Variants in GCH1 observed in about 807,000 individuals in gnomAD.
GCH1 encodes GTP cyclohydrolase I.
Under a neutral mutation model 25.9 loss-of-function variants are expected in GCH1, and 5 were observed. The observed-to-expected ratio is 0.19, with a 90% CI of 0.10 to 0.41. The LOEUF (loss-of-function observed/expected upper bound fraction) is 0.41. GCH1 is among the 10% of genes least tolerant of loss of function. The pLI is 1.00. For missense variants in GCH1, 261 were observed against 336.5 expected (o/e 0.78, Z 1.75); for synonymous variants, 159 against 129.6 (o/e 1.23, Z -1.54).
chr14:54,844,946 C>A (rs1459750730), intron 5 of GCH1, among the ~76,000 whole-genome samples: 1 of 152,030 alleles, frequency 6.6e-6, no homozygotes, highest in Non-Finnish European at 1.5e-5. Flanking sequence ...CTGAGGTGGG[C>A]AGATCACTTG....
At chr14:54,898,702 C>T (rs2040521232) in intron 1 of GCH1, among the ~76,000 whole-genome samples, 1 of 152,176 alleles carries the variant, frequency 6.6e-6, no homozygotes, top group African/African-American at 2.4e-5. Context: ...TCACTGCAAC[C>T]TCCACCTTCT....
At chr14:54,848,713 C>A (rs902887793) in intron 3 of GCH1, among the ~76,000 whole-genome samples, 16 of 152,166 alleles carry the variant, frequency 1.1e-4, no homozygotes, top group African/African-American at 3.9e-4. Context: ...ACCACTCAGC[C>A]CAGAGCTCCC....
At chr14:54,885,730 A>G (rs1267536045) in intron 1 of GCH1, 4 of 203,768 alleles carry the variant, frequency 2.0e-5, no homozygotes, top group Non-Finnish European at 4.0e-5. Context: ...CTCCACCAAA[A>G]ATACAAAACT....
chr14:54,897,183 T>C (rs1259412293), intron 1 of GCH1, among the ~76,000 whole-genome samples: 9 of 150,594 alleles, frequency 6.0e-5, no homozygotes, highest in Non-Finnish European at 1.3e-4. Flanking sequence ...CTAATTTTTG[T>C]ATTTTTAGTA....
At chr14:54,896,942 A>T (rs1253899168) in intron 1 of GCH1, among the ~76,000 whole-genome samples, 2 of 149,608 alleles carry the variant, frequency 1.3e-5, no homozygotes, top group African/African-American at 2.5e-5. Flanking sequence ...ACAAAAGAAG[A>T]AGTTTCTCAA....
intron 3 of GCH1, among the ~76,000 whole-genome samples, chr14:54,851,036 A>G (rs947581695): frequency 2.0e-5 from 3 of 152,322 alleles, no homozygotes; most frequent in African/African-American, 7.2e-5. Context: ...CAAAACAGAG[A>G]TATAGACCAA....
chr14:54,867,220 C>T lies in GCH1; in HGVS notation c.344-1784G>A, dbSNP rs113843652. 5.4e-3 allele frequency among the ~76,000 whole-genome samples: 822 copies of T among 152,232 alleles called. 7 individuals are homozygous for T. The highest frequency in any genetic ancestry group is 0.018 in the African/African-American group (749 of 41,536). ...TGTTTTCTCTGGCAAAGAATGAGAG[C>T]GTCCCCATCCTAAGCTCTGACGACA... On this transcript the variant is annotated intron_variant, in intron 1 of 5. Coordinates refer to ENST00000491895, the MANE Select transcript of GCH1 (RefSeq NM_000161.3).
intron 1 of GCH1, among the ~76,000 whole-genome samples, chr14:54,877,747 G>A (rs2040184101): frequency 6.6e-6 from 1 of 151,836 alleles, no homozygotes; most frequent in Admixed American, 6.6e-5. Context: ...TGCCTGTCTT[G>A]GCCTCCCAAA....
At chr14:54,888,815 A>G (rs1323503634) in intron 1 of GCH1, among the ~76,000 whole-genome samples, 4 of 151,832 alleles carry the variant, frequency 2.6e-5, no homozygotes, top group Admixed American at 6.6e-5. Flanking sequence ...GAGCCACTGC[A>G]CCCAGCCTAT....
At chr14:54,876,957 T>C (rs1486504165) in intron 1 of GCH1, among the ~76,000 whole-genome samples, 1 of 152,152 alleles carries the variant, frequency 6.6e-6, no homozygotes, top group Non-Finnish European at 1.5e-5. Context: ...TACTCAAAAT[T>C]AAATCAAAGA....
intron 3 of GCH1, among the ~76,000 whole-genome samples, chr14:54,848,936 TTA>T (rs1196136891): frequency 6.6e-6 from 1 of 152,238 alleles, no homozygotes; most frequent in Non-Finnish European, 1.5e-5. Context: ...GATTAGTTTG[TTA>T]TATATGTAGG....
chr14:54,884,241 CA>C (rs1351126828), intron 1 of GCH1, among the ~76,000 whole-genome samples: 8 of 151,732 alleles, frequency 5.3e-5, no homozygotes, highest in African/African-American at 1.9e-4. Flanking sequence ...TGGGCTGAGA[CA>C]AAACAATATG....
rs1257884881 is a variant in GCH1 at position 54,871,696 on chromosome 14, G to A, written c.344-6260C>T. Among the ~76,000 whole-genome samples the A allele has an allele frequency of 5.3e-5, 8 of 152,104 alleles. No homozygotes were observed. The East Asian group carries it at 1.5e-3, about 29-fold the overall frequency. On this transcript the variant is annotated intron_variant, in intron 1 of 5. Coordinates refer to ENST00000491895, the MANE Select transcript of GCH1 (RefSeq NM_000161.3). ...AACCATGGCACGAGAACTACGTGAT[G>A]AATGCACAAGCCTCAGTAGCTGATT...
At position 54,902,258 on chromosome 14, in the gene GCH1, C is replaced by A. The variant is rs1249825120; in HGVS notation, c.343+63G>T. The stretch of plus-strand genomic sequence containing the variant: ...CTCCGGAAACTTCCTGGAGCCGGCG[C>A]GCGTTTCCTGCAAGCACCGCCCCCG... On this transcript the variant is annotated intron_variant, in intron 1 of 5. Coordinates refer to ENST00000491895, the MANE Select transcript of GCH1 (RefSeq NM_000161.3). 5 of 1,549,670 alleles carry A rather than the reference C, an allele frequency of 3.2e-6. No homozygotes were observed. The African/African-American group carries it at 4.1e-5, about 13-fold the overall frequency.
chr14:54,872,257 A>G (rs1185512906), intron 1 of GCH1, among the ~76,000 whole-genome samples: 1 of 152,154 alleles, frequency 6.6e-6, no homozygotes, highest in Non-Finnish European at 1.5e-5. Context: ...AAGCTTCATA[A>G]GTGAAGGAGA....
At chr14:54,897,736 C>T (rs1315222191) in intron 1 of GCH1, among the ~76,000 whole-genome samples, 1 of 152,192 alleles carries the variant, frequency 6.6e-6, no homozygotes, top group East Asian at 1.9e-4. Flanking sequence ...ACCAGCTCTA[C>T]TACTTGTGTC....
Position 54,843,937 on chromosome 14 carries a change from A to G in GCH1, c.*80T>C. On this transcript the variant is annotated 3_prime_UTR_variant, in exon 6 of 6. Transcript: ENST00000491895. ...TCACATCTGTAACAATTGAAAATGG[A>G]ATGTACAAACAAGACCGGACAGACA... The G allele has an allele frequency of 6.2e-7, 1 of 1,613,490 alleles. No individual in the cohort carries two copies. The highest frequency in any genetic ancestry group is 2.2e-5 in the East Asian group (1 of 44,884).
chr14:54,849,118 G>A (rs571598790), intron 3 of GCH1, among the ~76,000 whole-genome samples: 2 of 152,326 alleles, frequency 1.3e-5, no homozygotes, highest in East Asian at 1.9e-4. Flanking sequence ...CACCCACAGT[G>A]CCTGCCTGCT....
chr14:54,876,413 A>G (rs2040161489), intron 1 of GCH1, among the ~76,000 whole-genome samples: 1 of 152,142 alleles, frequency 6.6e-6, no homozygotes, highest in South Asian at 2.1e-4. Flanking sequence ...TAATGGGTGC[A>G]GCACACCAAC....
Sources: gnomAD v4.1 joint callset for allele counts (sites outside exome capture counted in the v4.1 genomes callset) on GRCh38, gnomAD v4.1.1 for gene constraint, MANE v1.5 for transcripts, NCBI Gene and HGNC (gene_info 2026-07-23, HGNC 2026-07-21) for gene names.